RABL6: variants seen among roughly 807,000 people sequenced by gnomAD.
RABL6 encodes RAB, member RAS oncogene family like 6.
RABL6 carries 28 observed loss-of-function variants against 72.9 expected under a neutral mutation model. The ratio of observed to expected loss-of-function variants is 0.38; its 90% CI spans 0.28 to 0.53. The LOEUF (loss-of-function observed/expected upper bound fraction) is 0.53, where lower values mean the gene tolerates loss of function less well. RABL6 is among the 20% of genes least tolerant of loss of function. The probability of loss-of-function intolerance (pLI) is 0.80; values close to 1 mark genes in which losing one functional copy is unlikely to be tolerated. For synonymous variants in RABL6, 477 were observed against 421.2 expected (o/e 1.13, Z -1.62); for missense variants, 1,029 against 1,008.4 (o/e 1.02, Z -0.28).
intron 7 of RABL6, chr9:136,832,654 T>C: frequency 2.2e-6 from 1 of 454,530 alleles, no homozygotes. Context: ...TTTGTTGAGA[T>C]AAGGTCTTGC....
chr9:136,840,249 G>T (rs199519915), intron 14 of RABL6, 37 bp downstream of exon 14: 1 of 1,612,596 alleles, frequency 6.2e-7, no homozygotes, highest in African/African-American at 1.3e-5. Context: ...GCCAGGACTG[G>T]GTGGCATGCG....
Position 136,839,819 on chromosome 9 carries a change from C to T in RABL6, c.1884C>T (p.Phe628=), listed in dbSNP as rs567190199. ...GACTGAAGAATGACTCGGACCTCTTCGGGCTGGGGCTGGAGGAGGCCGGAC... is the reference window on the plus strand; with the variant it reads ...GACTGAAGAATGACTCGGACCTCTTTGGGCTGGGGCTGGAGGAGGCCGGAC... The part of the protein sequence containing the change: ...AFRLKNDSDL[F]GLGLEEAGPK... The change falls in exon 13 of 15, where the codon TTC becomes TTT. Residue 628 remains phenylalanine (F), a synonymous_variant. Transcript: ENST00000311502. The T allele has an allele frequency of 8.5e-5, 137 of 1,612,714 alleles. 1 individual carries two copies. The South Asian group carries it at 9.3e-4, about 11-fold the overall frequency.
chr9:136,815,987 A>G (rs895830604), intron 1 of RABL6, among the ~76,000 whole-genome samples: 98 of 152,294 alleles, frequency 6.4e-4, no homozygotes, highest in African/African-American at 2.2e-3. Context: ...TCTTGGATGA[A>G]TCCTAAAGGT....
chr9:136,834,572 G>A (rs539649738), intron 7 of RABL6: 23 of 696,222 alleles, frequency 3.3e-5, no homozygotes, highest in South Asian at 6.5e-5. Flanking sequence ...TCTGCCTCCT[G>A]GGTTCAAGCG....
rs1349883026 is a variant in RABL6, at chr9:136,828,313, G to T, written c.314-181G>T. 1.5e-5 allele frequency: 9 copies of T among 619,762 alleles called. No individual in the cohort carries two copies. The Admixed American group carries it at 1.9e-4, about 13-fold the overall frequency. The allele number at this position is 619,762 out of a possible 1,614,324, so 38.4% of individuals were successfully genotyped here. ...AGCCCTGCCTCCAGAGCCTACAGAG[G>T]GGCCTCGCCCAGGTCCTGCTGCTCC... On this transcript the variant is annotated intron_variant, in intron 3 of 14. Coordinates refer to ENST00000311502, the MANE Select transcript of RABL6 (RefSeq NM_024718.5).
At position 136,826,134 on chromosome 9, in the gene RABL6, CCCT is replaced by C. The variant is rs959607435; in HGVS notation, c.313+315_313+317del. Among the ~76,000 whole-genome samples the C allele has an allele frequency of 4.6e-5, 7 of 152,274 alleles. No individual in the cohort carries two copies. The highest frequency in any genetic ancestry group is 2.1e-4 in the South Asian group (1 of 4,828). ...AAGGCCCAGGGTGCTATTTTGGGAG[CCCT>C]CCTCCTGCACTGCCTGGCGGAGTAG... On this transcript the variant is annotated intron_variant, in intron 3 of 14. Transcript: ENST00000311502. This position sits in a 1 kb window ranked among gnomAD's most constrained non-coding sequence, Gnocchi z 4.9.
intron 5 of RABL6, chr9:136,830,842 C>T (rs1453877796): frequency 1.3e-5 from 2 of 152,550 alleles, no homozygotes; most frequent in Non-Finnish European, 2.9e-5. Flanking sequence ...CAGGCGATGC[C>T]TATGGTAGCA....
rs534199363 is a variant in RABL6 at position 136,841,130 on chromosome 9, G to A, written c.*608G>A. 69 of 1,135,400 alleles carry A rather than the reference G, an allele frequency of 6.1e-5. No homozygotes were observed. Among genetic ancestry groups the A allele is most frequent in the East Asian group, 4.8e-4 (17 of 35,090 alleles). 70.3% of individuals were successfully genotyped at this position (1,135,400 alleles called of 1,614,324 possible). A position where few individuals can be genotyped will look rare whatever the true frequency, so the allele number is the denominator to read the frequency against. On this transcript the variant is annotated 3_prime_UTR_variant, in exon 15 of 15. Coordinates refer to ENST00000311502, the MANE Select transcript of RABL6 (RefSeq NM_024718.5). ...TCAGGTGAGCCCGAAGGCAGGAGCC[G>A]GGAGGCACTCCTCCCAAACACTCCA... is the stretch of plus-strand genomic sequence containing the variant.
At chr9:136,824,119 GT>G in intron 2 of RABL6, among the ~76,000 whole-genome samples, 1 of 152,098 alleles carries the variant, frequency 6.6e-6, no homozygotes, top group Non-Finnish European at 1.5e-5. Context: ...GGGCTTGATG[GT>G]GGGATAGACC....
At chr9:136,830,749 G>T (rs564142393) in intron 5 of RABL6, among the ~76,000 whole-genome samples, 1 of 152,392 alleles carries the variant, frequency 6.6e-6, no homozygotes, top group South Asian at 2.1e-4. Flanking sequence ...GGGAGTGACA[G>T]CGAGACTTGA....
intron 1 of RABL6, among the ~76,000 whole-genome samples, chr9:136,822,296 C>T (rs917263411): frequency 2.6e-5 from 4 of 152,184 alleles, no homozygotes; most frequent in African/African-American, 7.2e-5. Flanking sequence ...GCCTGCAGAC[C>T]TGCTCCTTGG....
At chr9:136,815,080 G>A (rs1056942290) in intron 1 of RABL6, 4 of 216,090 alleles carry the variant, frequency 1.9e-5, no homozygotes, top group South Asian at 5.9e-5. Flanking sequence ...CATCGTCCTC[G>A]TCCTCATCCC....
chr9:136,824,947 G>C (rs913272901), intron 2 of RABL6, among the ~76,000 whole-genome samples: 1 of 152,232 alleles, frequency 6.6e-6, no homozygotes, highest in African/African-American at 2.4e-5. Context: ...TGATTGGTGT[G>C]GGGGCAGATG....
At chr9:136,811,183 C>T (rs1267114891) in intron 1 of RABL6, among the ~76,000 whole-genome samples, 1 of 152,072 alleles carries the variant, frequency 6.6e-6, no homozygotes, top group Non-Finnish European at 1.5e-5. Context: ...GGACATGTGC[C>T]CAAGGTGGAG....
At position 136,838,964 on chromosome 9, in the gene RABL6, G is replaced by T. The variant is rs1564373215; in HGVS notation, c.1336G>T (p.Asp446Tyr). 1 of 1,610,994 alleles carries T rather than the reference G, an allele frequency of 6.2e-7. No homozygotes were observed. Among genetic ancestry groups the T allele is most frequent in the Non-Finnish European group, 8.5e-7 (1 of 1,179,214 alleles). ...PMVAGFQDDV[D>Y]LEDQPRGSPP... ...GGTGGCAGGGTTCCAGGACGATGTG[G>T]ACCTCGAAGACCAGCCACGTGGGAG... The change falls in exon 11 of 15, where the codon GAC becomes TAC. Residue 446 changes from aspartate to tyrosine, a missense_variant. Transcript: ENST00000311502.
In RABL6 at chr9:136,840,630, T is replaced by C. The variant is rs45457892; in HGVS notation, c.*108T>C. On this transcript the variant is annotated 3_prime_UTR_variant, in exon 15 of 15. Coordinates refer to ENST00000311502, the MANE Select transcript of RABL6 (RefSeq NM_024718.5). ...TTGCCGCTGCCCCGTGGCTGCCGTG[T>C]GCGCTTCTGAGCTGGAAGAGGCCGG... 3,793 of 1,549,578 alleles carry C rather than the reference T, an allele frequency of 2.4e-3. 10 individuals carry two copies. Among genetic ancestry groups the C allele is most frequent in the Non-Finnish European group, 2.9e-3 (3,352 of 1,146,796 alleles).
chr9:136,821,894 C>A lies in RABL6; in HGVS notation c.131-1631C>A, dbSNP rs918079086. On this transcript the variant is annotated intron_variant, in intron 1 of 14. Coordinates refer to ENST00000311502, the MANE Select transcript of RABL6 (RefSeq NM_024718.5). ...GGCTGCCCCCAGCCGGTGCGGCCGC[C>A]ACCGTGGCCGTGAGGGCGCCTGGGT... The A allele has an allele frequency of 7.0e-6, 9 of 1,278,092 alleles. No homozygotes were observed. The African/African-American group carries it at 1.2e-4, about 18-fold the overall frequency. 79.2% of individuals were successfully genotyped at this position (1,278,092 alleles called of 1,614,324 possible).
Position 136,819,404 on chromosome 9 carries a change from C to T in RABL6, c.131-4121C>T, listed in dbSNP as rs542133734. Among the ~76,000 whole-genome samples the T allele has an allele frequency of 1.6e-4, 24 of 151,268 alleles. No homozygotes were observed. The East Asian group carries it at 4.6e-3, about 29-fold the overall frequency. Reference sequence around the variant, plus strand: ...GAAGGCTGGGGGAGGGGCAAGGGAACCAGAGCTGTAACTAAAAATCATAAA... The same window carrying T: ...GAAGGCTGGGGGAGGGGCAAGGGAATCAGAGCTGTAACTAAAAATCATAAA... On this transcript the variant is annotated intron_variant, in intron 1 of 14. Transcript: ENST00000311502.
In RABL6 at chr9:136,840,789, C is replaced by A; in HGVS notation, c.*267C>A. The A allele has an allele frequency of 6.5e-7, 1 of 1,547,750 alleles. No individual in the cohort carries two copies. Among genetic ancestry groups the A allele is most frequent in the Non-Finnish European group, 8.7e-7 (1 of 1,146,812 alleles). The stretch of plus-strand genomic sequence containing the variant: ...ACACCCTGGCCCTCTCGGGGCAGAG[C>A]CGCCAGTGTTTCTCAGGGATGTGAC... On this transcript the variant is annotated 3_prime_UTR_variant, in exon 15 of 15. Transcript: ENST00000311502.
Sources: allele counts gnomAD v4.1 joint callset (sites outside exome capture counted in the v4.1 genomes callset), GRCh38; gene constraint gnomAD v4.1.1; non-coding constraint Gnocchi (gnomAD v3.1); transcripts MANE v1.5; gene names NCBI Gene and HGNC (gene_info 2026-07-23, HGNC 2026-07-21).